Variants in AFF2 observed in about 807,000 individuals in gnomAD.
AFF2 encodes AF4/FMR2 family member 2.
In AFF2, 14 loss-of-function variants were observed where a neutral mutation model predicts 76.9. The ratio of observed to expected loss-of-function variants is 0.18; its 90% CI spans 0.12 to 0.28. AFF2 has a LOEUF of 0.28. AFF2 is among the 10% of genes least tolerant of loss of function. The pLI, the probability that AFF2 is intolerant of heterozygous loss-of-function variation, is 1.00. For missense variants in AFF2, 868 were observed against 1,001.1 expected (o/e 0.87, Z 1.79); for synonymous variants, 398 against 366.7 (o/e 1.09, Z -0.98).
At chrX:148,602,745 G>A (rs1165313394) in intron 1 of AFF2, among the ~76,000 whole-genome samples, 1 of 110,154 alleles carries the variant, frequency 9.1e-6, no homozygotes, top group African/African-American at 3.3e-5. Flanking sequence ...GAGCAGCCTT[G>A]GTTTTGATCC....
intron 4 of AFF2, among the ~76,000 whole-genome samples, chrX:148,814,520 G>A (rs1557272024): frequency 8.9e-6 from 1 of 111,992 alleles, no homozygotes; most frequent in Non-Finnish European, 1.9e-5. Context: ...ACATCTGTAA[G>A]GGTAATTCAG....
intron 4 of AFF2, among the ~76,000 whole-genome samples, chrX:148,821,620 G>C (rs2070329047): frequency 9.1e-6 from 1 of 109,758 alleles, no homozygotes; most frequent in Admixed American, 9.7e-5. Context: ...TCTTTGTCTG[G>C]TGACCTCCTA....
intron 3 of AFF2, among the ~76,000 whole-genome samples, chrX:148,805,427 T>C (rs1317508954): frequency 2.7e-5 from 3 of 111,154 alleles, no homozygotes; most frequent in African/African-American, 9.8e-5. Flanking sequence ...TGCATTGAGC[T>C]CCTCTGGATT....
At position 148,741,527 on chromosome X, in the gene AFF2, C is replaced by T. The variant is rs188316098; in HGVS notation, c.1042-68349C>T. Among the ~76,000 whole-genome samples the T allele has an allele frequency of 6.7e-3, 744 of 110,521 alleles. 7 individuals carry two copies. Among genetic ancestry groups the T allele is most frequent in the African/African-American group, 0.023 (696 of 30,374 alleles). Reference sequence around the variant, plus strand: ...CCCAAGTCTGTTTCCAGAGGAAGGGCGAGACGGACTTGAAAACTTGCCCGA... The same window carrying T: ...CCCAAGTCTGTTTCCAGAGGAAGGGTGAGACGGACTTGAAAACTTGCCCGA... On this transcript the variant is annotated intron_variant, in intron 3 of 20. Coordinates refer to ENST00000370460, the MANE Select transcript of AFF2 (RefSeq NM_002025.4).
intron 1 of AFF2, among the ~76,000 whole-genome samples, chrX:148,519,639 C>G (rs1302694892): frequency 1.8e-5 from 2 of 111,836 alleles, no homozygotes; most frequent in Non-Finnish European, 3.8e-5. Flanking sequence ...TTCGGAGACC[C>G]GAGGAAATAA....
intron 2 of AFF2, among the ~76,000 whole-genome samples, chrX:148,660,976 C>G (rs1224385294): frequency 8.9e-6 from 1 of 112,212 alleles, no homozygotes; most frequent in East Asian, 2.8e-4. Context: ...CATGCAGGAG[C>G]ATAATTATTT....
chrX:148,712,009 G>A (rs1010964806), intron 3 of AFF2, among the ~76,000 whole-genome samples: 2 of 111,420 alleles, frequency 1.8e-5, no homozygotes, highest in African/African-American at 3.3e-5. Context: ...TGCTCATCTC[G>A]ATGCTGTGCT....
chrX:148,916,342 T>C (rs1216894658), intron 9 of AFF2, among the ~76,000 whole-genome samples: 1 of 106,222 alleles, frequency 9.4e-6, no homozygotes, highest in Non-Finnish European at 1.9e-5. Context: ...CCCGAGGAGC[T>C]GGGACTACAG....
intron 1 of AFF2, among the ~76,000 whole-genome samples, chrX:148,563,415 G>C (rs1398044941): frequency 8.9e-6 from 1 of 111,821 alleles, no homozygotes; most frequent in Non-Finnish European, 1.9e-5. Context: ...TGTCATTGCA[G>C]TGGTGTGCAC....
chrX:148,624,268 C>T (rs1280569199), intron 1 of AFF2, among the ~76,000 whole-genome samples: 1 of 111,491 alleles, frequency 9.0e-6, no homozygotes, highest in Admixed American at 9.5e-5. Flanking sequence ...TCTCCTTTAG[C>T]ACCTAATTTT....
At chrX:148,581,589 C>T (rs1050888282) in intron 1 of AFF2, among the ~76,000 whole-genome samples, 1 of 88,494 alleles carries the variant, frequency 1.1e-5, no homozygotes, top group Non-Finnish European at 2.3e-5. Flanking sequence ...CGTGTACACA[C>T]ATATATACGT....
At chrX:148,749,372 A>G (rs1199299907) in intron 3 of AFF2, among the ~76,000 whole-genome samples, 4 of 110,304 alleles carry the variant, frequency 3.6e-5, no homozygotes, top group African/African-American at 1.3e-4. Flanking sequence ...CCCGGGCTCA[A>G]CAGATCCTCC....
At chrX:148,530,164 A>G (rs2052713173) in intron 1 of AFF2, among the ~76,000 whole-genome samples, 1 of 111,804 alleles carries the variant, frequency 8.9e-6, no homozygotes, top group Non-Finnish European at 1.9e-5. Flanking sequence ...TCAATTATCC[A>G]GGATGGTGTC....
intron 3 of AFF2, among the ~76,000 whole-genome samples, chrX:148,664,020 A>G (rs2054334149): frequency 9.0e-6 from 1 of 111,634 alleles, no homozygotes; most frequent in Non-Finnish European, 1.9e-5. Context: ...GTATCTCTCC[A>G]GTCTGTCATC....
chrX:148,595,639 T>A (rs185437176), intron 1 of AFF2, among the ~76,000 whole-genome samples: 201 of 112,260 alleles, frequency 1.8e-3, no homozygotes, highest in Admixed American at 5.2e-3. Flanking sequence ...TCCAAAAAGT[T>A]GCTCAGGAAA....
chrX:148,718,980 A>G, intron 3 of AFF2: 1 of 794,579 alleles, frequency 1.3e-6, no homozygotes, highest in Non-Finnish European at 1.7e-6. Flanking sequence ...GGAAGCTAAC[A>G]AAACAGAGTT....
intron 1 of AFF2, among the ~76,000 whole-genome samples, chrX:148,555,075 G>T (rs1557239495): frequency 8.9e-6 from 1 of 112,124 alleles, no homozygotes; most frequent in Non-Finnish European, 1.9e-5. Flanking sequence ...TGCCCAACCT[G>T]CAAAACGAAT....
In AFF2 at chrX:148,894,894, TAG is replaced by T. The variant is rs1423992903; in HGVS notation, c.1359+8911_1359+8912del. Among the ~76,000 whole-genome samples the T allele has an allele frequency of 1.2e-3, 136 of 110,241 alleles. 1 individual carries two copies. Among genetic ancestry groups the T allele is most frequent in the African/African-American group, 4.2e-3 (127 of 29,916 alleles). On this transcript the variant is annotated intron_variant, in intron 8 of 20. Transcript: ENST00000370460. The stretch of plus-strand genomic sequence containing the variant: ...ACAAATGGTTAAAATGTGAGATAGA[TAG>T]ATATATATATATATACACAAAATTG...
intron 1 of AFF2, among the ~76,000 whole-genome samples, chrX:148,597,033 T>G (rs2053579570): frequency 8.9e-6 from 1 of 111,947 alleles, no homozygotes; most frequent in Non-Finnish European, 1.9e-5. Context: ...GGTTATGACA[T>G]CTGCTGGGGG....
Sources: allele counts gnomAD v4.1 joint callset (sites outside exome capture counted in the v4.1 genomes callset), GRCh38; gene constraint gnomAD v4.1.1; transcripts MANE v1.5; gene names NCBI Gene and HGNC (gene_info 2026-07-23, HGNC 2026-07-21).